CREB5: variants seen among roughly 807,000 people sequenced by gnomAD.
CREB5 encodes the protein cyclic AMP-responsive element-binding protein 5.
CREB5 carries 19 observed loss-of-function variants against 57.1 expected under a neutral mutation model. That is an observed-to-expected ratio of 0.33 (90% CI 0.23 to 0.49). The LOEUF (loss-of-function observed/expected upper bound fraction) is 0.49. Among genes scored for constraint, CREB5 ranks in the 20% least tolerant of loss-of-function variants. The pLI, the probability that CREB5 is intolerant of heterozygous loss-of-function variation, is 0.99. For synonymous variants in CREB5, 238 were observed against 238.3 expected, an observed-to-expected ratio of 1.00 and a Z score of 0.01; for missense variants, 579 against 671.6, an observed-to-expected ratio of 0.86 and a Z score of 1.52.
intron 7 of CREB5, among the ~76,000 whole-genome samples, chr7:28,725,512 G>A (rs1036916217): frequency 6.6e-5 from 10 of 152,266 alleles, no homozygotes; most frequent in Admixed American, 1.3e-4. Context: ...AGCAAAGCTC[G>A]TTAAATCTTT....
chr7:28,365,830 A>T (rs1459478056), intron 1 of CREB5, among the ~76,000 whole-genome samples: 1 of 152,168 alleles, frequency 6.6e-6, no homozygotes, highest in Non-Finnish European at 1.5e-5. Context: ...GTTGTTTTCA[A>T]CATTTTTACT....
At chr7:28,359,424 C>T (rs540642522) in intron 1 of CREB5, among the ~76,000 whole-genome samples, 29 of 152,220 alleles carry the variant, frequency 1.9e-4, no homozygotes, top group African/African-American at 6.3e-4. Flanking sequence ...CGTGCATTTA[C>T]GGCCAATTGA....
At chr7:28,794,241 A>C (rs2128793454) in intron 7 of CREB5, among the ~76,000 whole-genome samples, 1 of 152,320 alleles carries the variant, frequency 6.6e-6, no homozygotes, top group Non-Finnish European at 1.5e-5. Context: ...CCCTTACCTA[A>C]AGTTACCCAG....
chr7:28,667,013 G>C (rs1214344080), intron 5 of CREB5, among the ~76,000 whole-genome samples: 1 of 151,948 alleles, frequency 6.6e-6, no homozygotes, highest in East Asian at 1.9e-4. Context: ...AACTTTGCTT[G>C]GATCAAATAG....
intron 7 of CREB5, among the ~76,000 whole-genome samples, chr7:28,744,400 T>G (rs1804578791): frequency 7.2e-6 from 1 of 137,972 alleles, no homozygotes; most frequent in Admixed American, 8.1e-5. Flanking sequence ...CAGGCTGGAA[T>G]GCAGTGATGC....
intron 1 of CREB5, among the ~76,000 whole-genome samples, chr7:28,445,061 A>G (rs892116473): frequency 6.6e-6 from 1 of 152,172 alleles, no homozygotes; most frequent in African/African-American, 2.4e-5. Context: ...TGTTCTTGTG[A>G]TAGTGAATAA....
At chr7:28,560,715 AAC>A (rs1479914034) in intron 4 of CREB5, among the ~76,000 whole-genome samples, 1 of 151,776 alleles carries the variant, frequency 6.6e-6, no homozygotes, top group Non-Finnish European at 1.5e-5. Context: ...TTTGGATGAA[AAC>A]ACAGACCTGC....
intron 5 of CREB5, among the ~76,000 whole-genome samples, chr7:28,698,896 C>T (rs1801705764): frequency 6.6e-6 from 1 of 152,188 alleles, no homozygotes. Flanking sequence ...GAACGGTGCA[C>T]ATCGTCTGTA....
At chr7:28,492,696 TTG>T (rs1436861031) in intron 2 of CREB5, among the ~76,000 whole-genome samples, 1 of 149,738 alleles carries the variant, frequency 6.7e-6, no homozygotes, top group African/African-American at 2.4e-5. Context: ...TATTACCATG[TTG>T]TGTATTTTTG....
chr7:28,597,850 C>A (rs892557017), intron 5 of CREB5, among the ~76,000 whole-genome samples: 3 of 152,152 alleles, frequency 2.0e-5, no homozygotes, highest in Admixed American at 2.0e-4. Context: ...CATTTGTCAT[C>A]AGACCTTTTC....
At chr7:28,345,359 T>A (rs943989206) in intron 1 of CREB5, among the ~76,000 whole-genome samples, 1 of 151,780 alleles carries the variant, frequency 6.6e-6, no homozygotes, top group Admixed American at 6.6e-5. Flanking sequence ...ATCAAAATCA[T>A]GACAAGTATT....
intron 5 of CREB5, among the ~76,000 whole-genome samples, chr7:28,716,077 G>A (rs764611148): frequency 3.3e-5 from 5 of 152,070 alleles, no homozygotes; most frequent in Non-Finnish European, 4.4e-5. Context: ...CATTTTAAAT[G>A]TAATTACTTT....
intron 1 of CREB5, among the ~76,000 whole-genome samples, chr7:28,336,857 C>A (rs1011573116): frequency 2.0e-5 from 3 of 151,704 alleles, no homozygotes; most frequent in African/African-American, 7.3e-5. Context: ...CTTAGTACTG[C>A]TTTTGCTGTA....
chr7:28,330,165 C>G (rs530433652), intron 1 of CREB5, among the ~76,000 whole-genome samples: 4 of 152,144 alleles, frequency 2.6e-5, no homozygotes, highest in African/African-American at 7.2e-5. Flanking sequence ...CACCACAGCC[C>G]GATTCTCTCG....
At position 28,412,711 on chromosome 7, in the gene CREB5, G is replaced by T; in HGVS notation, c.-204G>T. 2.4e-6 allele frequency: 1 copy of T among 409,284 alleles called. No individual in the cohort carries two copies. Among genetic ancestry groups the T allele is most frequent in the Non-Finnish European group, 4.3e-6 (1 of 234,534 alleles). 25.4% of individuals were successfully genotyped at this position (409,284 alleles called of 1,614,324 possible). On this transcript the variant is annotated 5_prime_UTR_variant, in exon 1 of 11. Coordinates refer to ENST00000357727, the MANE Select transcript of CREB5 (RefSeq NM_182898.4). The stretch of plus-strand genomic sequence containing the variant: ...GTCTAGGAGGTACCTCTGGGTTGCA[G>T]AAGTAATTGTAAAATACCAGACCTG...
intron 7 of CREB5, among the ~76,000 whole-genome samples, chr7:28,794,189 T>C (rs927076722): frequency 3.3e-5 from 5 of 152,250 alleles, no homozygotes; most frequent in African/African-American, 9.6e-5. Context: ...GGATTACTTT[T>C]TTCCAATAGA....
intron 1 of CREB5, among the ~76,000 whole-genome samples, chr7:28,441,227 T>C (rs1440587403): frequency 6.6e-6 from 1 of 152,202 alleles, no homozygotes; most frequent in Non-Finnish European, 1.5e-5. Flanking sequence ...CTCTAAAAGT[T>C]TGCATTTGGT....
chr7:28,603,306 T>C (rs551389591), intron 5 of CREB5, among the ~76,000 whole-genome samples: 1 of 152,342 alleles, frequency 6.6e-6, no homozygotes, highest in African/African-American at 2.4e-5. Flanking sequence ...TATAATTGAA[T>C]GAAATCTAAA....
chr7:28,382,412 T>C (rs1446676127), intron 1 of CREB5, among the ~76,000 whole-genome samples: 1 of 151,244 alleles, frequency 6.6e-6, no homozygotes, highest in Non-Finnish European at 1.5e-5. Context: ...TCCTGAAGCA[T>C]TGAGAATAAT....
Sources: allele counts gnomAD v4.1 joint callset (sites outside exome capture counted in the v4.1 genomes callset), GRCh38; gene constraint gnomAD v4.1.1; transcripts MANE v1.5; gene names NCBI Gene and HGNC (gene_info 2026-07-23, HGNC 2026-07-21).